The following GABRR3 variants were observed in gnomAD, a reference collection of about 807,000 sequenced individuals.
GABRR3 encodes gamma-aminobutyric acid type A receptor subunit rho3.
In GABRR3, 29 loss-of-function variants were observed where a neutral mutation model predicts 43.2. The ratio of observed to expected loss-of-function variants is 0.67; its 90% CI spans 0.50 to 0.92. The LOEUF is 0.92. Among genes scored for constraint, GABRR3 ranks in the 40% least tolerant of loss-of-function variants. The pLI, the probability that GABRR3 is intolerant of heterozygous loss-of-function variation, is 0.00. For missense variants in GABRR3, 576 were observed against 572.3 expected, an observed-to-expected ratio of 1.01 and a Z score of -0.07; for synonymous variants, 206 against 195.9, an observed-to-expected ratio of 1.05 and a Z score of -0.43.
At chr3:97,986,897 G>T (rs943288387) in exon 10 of GABRR3, 2 of 1,611,754 alleles carry the variant, frequency 1.2e-6, no homozygotes, top group Admixed American at 1.7e-5. Flanking sequence ...AGAGAGGGAA[G>T]TCTGGTCCAT....
chr3:98,017,522 C>T (rs1706886104), intron 4 of GABRR3, 133 bp downstream of exon 4: 1 of 691,068 alleles, frequency 1.4e-6, no homozygotes, highest in Non-Finnish European at 2.6e-6. Context: ...GCAATCATGA[C>T]CCTATGATTA....
intron 3 of GABRR3, among the ~76,000 whole-genome samples, chr3:98,018,967 A>T (rs1184155560): frequency 6.6e-6 from 1 of 151,932 alleles, no homozygotes; most frequent in Non-Finnish European, 1.5e-5. Context: ...AAAATTAGCC[A>T]GGCGTGATGG....
At chr3:97,990,219 T>G (rs1298616478) in intron 9 of GABRR3, among the ~76,000 whole-genome samples, 1 of 152,204 alleles carries the variant, frequency 6.6e-6, no homozygotes, top group Non-Finnish European at 1.5e-5. Flanking sequence ...CACTTGATCA[T>G]CATAACAGCC....
intron 3 of GABRR3, among the ~76,000 whole-genome samples, chr3:98,020,087 C>T (rs1458163074): frequency 6.6e-6 from 1 of 152,030 alleles, no homozygotes; most frequent in Non-Finnish European, 1.5e-5. Flanking sequence ...CCCAATAATT[C>T]CAAAACTCCA....
intron 9 of GABRR3, among the ~76,000 whole-genome samples, chr3:97,990,588 C>G (rs1490094191): frequency 6.6e-6 from 1 of 151,920 alleles, no homozygotes; most frequent in Non-Finnish European, 1.5e-5. Context: ...CTCAAGAAAT[C>G]CGCCTGCCTT....
At chr3:98,008,883 G>C (rs832030) in intron 6 of GABRR3, 73 bp downstream of exon 6, 588,366 of 739,892 alleles carry the variant, frequency 0.8, 236,479 homozygotes, top group East Asian at 0.99. Flanking sequence ...TTAAGAGCAT[G>C]CTTATTTACA....
chr3:97,994,166 A>G (rs1005707632), intron 8 of GABRR3, among the ~76,000 whole-genome samples: 1 of 152,230 alleles, frequency 6.6e-6, no homozygotes, highest in Non-Finnish European at 1.5e-5. Flanking sequence ...CAGCAGGAAG[A>G]GCACTGTGAT....
exon 10 of GABRR3, chr3:97,986,684 C>T: frequency 6.6e-7 from 1 of 1,508,742 alleles, no homozygotes; most frequent in Non-Finnish European, 9.0e-7. Flanking sequence ...AATTCCCCTT[C>T]ATACATATAC....
intron 5 of GABRR3, among the ~76,000 whole-genome samples, chr3:98,009,301 C>G (rs987739512): frequency 1.3e-5 from 2 of 152,168 alleles, no homozygotes; most frequent in East Asian, 3.9e-4. Flanking sequence ...GATCAGCCCC[C>G]TCAGTATTTT....
intron 4 of GABRR3, among the ~76,000 whole-genome samples, chr3:98,012,846 G>A (rs1331026043): frequency 2.6e-5 from 4 of 152,286 alleles, no homozygotes; most frequent in East Asian, 3.9e-4. Flanking sequence ...AAGCATTTCT[G>A]TGTAAGCATT....
At chr3:98,012,045 G>C (rs1273635742) in intron 5 of GABRR3, among the ~76,000 whole-genome samples, 2 of 152,142 alleles carry the variant, frequency 1.3e-5, no homozygotes, top group Non-Finnish European at 2.9e-5. Context: ...TTGGTGAGGA[G>C]GAAAACAGGC....
intron 9 of GABRR3, among the ~76,000 whole-genome samples, chr3:97,989,558 A>T (rs1199021404): frequency 2.2e-4 from 34 of 151,888 alleles, no homozygotes; most frequent in African/African-American, 8.0e-4. Context: ...GATGAAAACA[A>T]GTTTTGCCTG....
intron 1 of GABRR3, 76 bp downstream of exon 1, chr3:98,035,114 A>G (rs1391531778): frequency 4.3e-6 from 5 of 1,153,992 alleles, no homozygotes; most frequent in African/African-American, 1.6e-5. Context: ...GGGGAAAAAG[A>G]AAGACATTGT....
At chr3:98,017,674 C>A in exon 4 of GABRR3, 1 of 1,610,370 alleles carries the variant, frequency 6.2e-7, no homozygotes, top group South Asian at 1.1e-5. Flanking sequence ...CTCTGAAATG[C>A]TGTCAATGCT....
At position 98,020,644 on chromosome 3, in the gene GABRR3, C is replaced by T. The variant is rs114821749; in HGVS notation, c.239-2922G>A. Among the ~76,000 whole-genome samples the T allele has an allele frequency of 6.5e-3, 989 of 152,008 alleles. 8 individuals are homozygous for T. The highest frequency in any genetic ancestry group is 0.023 in the African/African-American group (954 of 41,448). On this transcript the variant is annotated intron_variant, in intron 3 of 9. Coordinates refer to ENST00000621172, the Ensembl canonical transcript of GABRR3. The stretch of plus-strand genomic sequence containing the variant: ...CTACCCTCCAAGGACCTATTTATGC[C>T]ACTGTTGCCCAAGCACTGGAGCCTA...
downstream of GABRR3, chr3:97,986,573 G>T: frequency 1.4e-6 from 1 of 696,314 alleles, no homozygotes; most frequent in Non-Finnish European, 2.3e-6. Context: ...TAGGGCAGGA[G>T]AGGTGACTTG....
chr3:98,008,040 T>G lies in GABRR3; in HGVS notation c.614-136A>C, dbSNP rs575411858. The G allele has an allele frequency of 5.8e-6, 4 of 684,432 alleles. No homozygotes were observed. In the South Asian group the frequency reaches 9.1e-5, roughly 16 times the overall value. 42.4% of individuals were successfully genotyped at this position (684,432 alleles called of 1,614,324 possible). On this transcript the variant is annotated intron_variant, in intron 6 of 9. Coordinates refer to ENST00000621172, the Ensembl canonical transcript of GABRR3. ...ATGTACATATTAGGTGATAAAAATA[T>G]GTTTGCCAATGGACTGATCATACAC...
In GABRR3 at chr3:98,007,757, G is replaced by C; in HGVS notation, c.754+7C>G. On this transcript the variant is annotated splice_region_variant and intron_variant, in intron 7 of 9. Transcript: ENST00000621172. ...TGCTGATGAATCACCCATGTAAAAT[G>C]CTGTACCTGTGCTGCTATAGAAAGC... 8 of 1,613,400 alleles carry C rather than the reference G, an allele frequency of 5.0e-6. No homozygotes were observed. The highest frequency in any genetic ancestry group is 6.8e-6 in the Non-Finnish European group (8 of 1,179,672).
At chr3:98,014,779 A>T (rs1648672446) in intron 4 of GABRR3, among the ~76,000 whole-genome samples, 1 of 152,240 alleles carries the variant, frequency 6.6e-6, no homozygotes, top group African/African-American at 2.4e-5. Context: ...AATTAAGGAT[A>T]TAGATGAAAA....
Sources: gnomAD v4.1 joint callset for allele counts (sites outside exome capture counted in the v4.1 genomes callset) on GRCh38, gnomAD v4.1.1 for gene constraint, MANE v1.5 for transcripts, NCBI Gene and HGNC (gene_info 2026-07-23, HGNC 2026-07-21) for gene names.